Variants in PTPRN2 observed in about 807,000 individuals in gnomAD.
The protein encoded by PTPRN2 is receptor-type tyrosine-protein phosphatase N2.
A neutral mutation model predicts 118.8 loss-of-function variants in PTPRN2; 74 were observed. The ratio of observed to expected loss-of-function variants is 0.62; its 90% CI spans 0.52 to 0.76. The LOEUF (loss-of-function observed/expected upper bound fraction) is 0.76. PTPRN2 is among the 30% of genes least tolerant of loss of function. The probability of loss-of-function intolerance (pLI) is 0.00; values close to 1 mark genes in which losing one functional copy is unlikely to be tolerated. For synonymous variants in PTPRN2, 641 were observed against 608.0 expected (o/e 1.05, Z -0.80); for missense variants, 1,481 against 1,394.4 (o/e 1.06, Z -0.99).
chr7:158,338,573 C>T (rs1806132093), intron 2 of PTPRN2, among the ~76,000 whole-genome samples: 1 of 121,560 alleles, frequency 8.2e-6, no homozygotes, highest in Non-Finnish European at 1.7e-5. Context: ...GCAGACGTCA[C>T]TCACACCCAC....
chr7:158,351,597 G>A lies in PTPRN2; in HGVS notation c.164-34665C>T, dbSNP rs11979720. ...AACATGGTTACCTACGAGTGAAATG[G>A]CAGAAGGAATGACCTTATTAACGCC... is the stretch of plus-strand genomic sequence containing the variant. On this transcript the variant is annotated intron_variant, in intron 2 of 22. Transcript: ENST00000389418. Among the ~76,000 whole-genome samples, 986 of 152,266 alleles carry A rather than the reference G, an allele frequency of 6.5e-3. 13 individuals are homozygous for A. Among genetic ancestry groups the A allele is most frequent in the African/African-American group, 0.022 (929 of 41,540 alleles).
chr7:158,541,749 C>T, intron 1 of PTPRN2: 4 of 1,195,998 alleles, frequency 3.3e-6, no homozygotes, highest in Non-Finnish European at 4.2e-6. Context: ...GCTCAGAACC[C>T]AAAAGGGCTG....
At chr7:157,781,743 G>C (rs532363626) in intron 12 of PTPRN2, among the ~76,000 whole-genome samples, 1 of 152,292 alleles carries the variant, frequency 6.6e-6, no homozygotes, top group South Asian at 2.1e-4. Context: ...CAAGTCATCT[G>C]ACTTCACAGT....
At chr7:158,498,037 T>TCCAGG (rs1243034902) in intron 1 of PTPRN2, among the ~76,000 whole-genome samples, 1 of 152,230 alleles carries the variant, frequency 6.6e-6, no homozygotes, top group Non-Finnish European at 1.5e-5. Context: ...GCCTGGTCAG[T>TCCAGG]CCGCTCCATC....
chr7:158,580,610 C>G (rs1050000285), intron 1 of PTPRN2, among the ~76,000 whole-genome samples: 2 of 152,162 alleles, frequency 1.3e-5, no homozygotes, highest in Admixed American at 6.5e-5. Flanking sequence ...TGCCTGCTTG[C>G]CACTCTAAAC....
At chr7:158,376,505 C>T (rs140291690) in intron 2 of PTPRN2, among the ~76,000 whole-genome samples, 1,690 of 139,746 alleles carry the variant, frequency 0.012, 15 homozygotes, top group Non-Finnish European at 0.019. Flanking sequence ...CCCCTACAGC[C>T]CTGTCACACG....
rs1389602981 is a variant in PTPRN2, at chr7:158,546,671, C to T, written c.112+40887G>A. Among the ~76,000 whole-genome samples, 1 of 152,200 alleles carries T rather than the reference C, an allele frequency of 6.6e-6. No homozygotes were observed. The highest frequency in any genetic ancestry group is 1.5e-5 in the Non-Finnish European group (1 of 68,038). ...TAGCAGGTGGGTGACTACAGAGGTGCTCTGAGGGTCTTAGGCAGAGCTGGC... is the reference window on the plus strand; with the variant it reads ...TAGCAGGTGGGTGACTACAGAGGTGTTCTGAGGGTCTTAGGCAGAGCTGGC... On this transcript the variant is annotated intron_variant, in intron 1 of 22. Coordinates refer to ENST00000389418, the MANE Select transcript of PTPRN2 (RefSeq NM_002847.5). The surrounding 1 kb of genome is among the most constrained non-coding windows in gnomAD (Gnocchi z 5.0).
Position 157,615,442 on chromosome 7 carries a change from G to T in PTPRN2, c.2344+5920C>A. On this transcript the variant is annotated intron_variant, in intron 15 of 22. Transcript: ENST00000389418. This position sits in a 1 kb window ranked among gnomAD's most constrained non-coding sequence, Gnocchi z 4.3. ...GGGCTGTTTCGAGGATGAAAAGGAG[G>T]TGTTTAGCCCCGAGCCTCACGTGGA... 2.1e-6 allele frequency: 1 copy of T among 471,178 alleles called. No homozygotes were observed. The highest frequency in any genetic ancestry group is 4.4e-6 in the Non-Finnish European group (1 of 227,054). 29.2% of individuals were successfully genotyped at this position (471,178 alleles called of 1,614,324 possible).
At chr7:158,176,764 G>A (rs769075656) in intron 5 of PTPRN2, among the ~76,000 whole-genome samples, 6 of 152,220 alleles carry the variant, frequency 3.9e-5, no homozygotes, top group East Asian at 1.9e-4. Context: ...CCAGAGCTCC[G>A]CTTCCCACCA....
rs1415283190 is a variant in PTPRN2 at position 157,785,707 on chromosome 7, TG to T, written c.1789-102771del. 2.6e-5 allele frequency among the ~76,000 whole-genome samples: 4 copies of T among 151,980 alleles called. No individual in the cohort carries two copies. Among genetic ancestry groups the T allele is most frequent in the African/African-American group, 9.7e-5 (4 of 41,372 alleles). On this transcript the variant is annotated intron_variant, in intron 12 of 22. Transcript: ENST00000389418. This position sits in a 1 kb window ranked among gnomAD's most constrained non-coding sequence, Gnocchi z 7.3. ...GGGGGAGCCTGCTCAGAGATGGGCATGGGGCCGGCCTGGGAAGCATGGCGGG... is the reference window on the plus strand; with the variant it reads ...GGGGGAGCCTGCTCAGAGATGGGCATGGGCCGGCCTGGGAAGCATGGCGGG...
At chr7:157,969,806 G>A (rs1038209788) in intron 11 of PTPRN2, among the ~76,000 whole-genome samples, 1 of 152,040 alleles carries the variant, frequency 6.6e-6, no homozygotes, top group African/African-American at 2.4e-5. Flanking sequence ...GAGAAAGGCT[G>A]GAGTCACAGA....
chr7:158,301,659 A>G (rs914765367), intron 3 of PTPRN2, among the ~76,000 whole-genome samples: 1 of 152,138 alleles, frequency 6.6e-6, no homozygotes, highest in African/African-American at 2.4e-5. Context: ...CTTAAGAACA[A>G]TCCCATTTGC....
At chr7:158,139,238 G>A (rs755258586) in intron 6 of PTPRN2, among the ~76,000 whole-genome samples, 5 of 152,166 alleles carry the variant, frequency 3.3e-5, no homozygotes, top group Admixed American at 6.5e-5. Context: ...CCATAACCGC[G>A]GAGAGATGTG....
intron 9 of PTPRN2, 152 bp downstream of exon 9, chr7:158,133,525 G>A (rs1457451839): frequency 1.8e-5 from 20 of 1,123,498 alleles, no homozygotes; most frequent in African/African-American, 1.3e-4. Flanking sequence ...TGCCCTCCGC[G>A]CCTGAGACTC....
chr7:158,337,801 A>T (rs1326447591), intron 2 of PTPRN2, among the ~76,000 whole-genome samples: 123 of 8,366 alleles, frequency 0.015, 5 homozygotes, highest in Middle Eastern at 0.17. Context: ...TCACCATAAG[A>T]GGTGACGCCC....
At chr7:158,254,252 C>T (rs370493761) in intron 3 of PTPRN2, among the ~76,000 whole-genome samples, 169 of 16,358 alleles carry the variant, frequency 0.01, 1 homozygote, top group Middle Eastern at 0.056. Flanking sequence ...AACTGGACAG[C>T]GGCACAGAGC....
intron 3 of PTPRN2, among the ~76,000 whole-genome samples, chr7:158,294,491 G>T (rs890993157): frequency 6.6e-6 from 1 of 152,150 alleles, no homozygotes; most frequent in African/African-American, 2.4e-5. Flanking sequence ...AATCACAGAC[G>T]TTCCATTTCT....
At chr7:158,167,728 C>T (rs951537390) in intron 5 of PTPRN2, among the ~76,000 whole-genome samples, 4 of 152,184 alleles carry the variant, frequency 2.6e-5, no homozygotes, top group African/African-American at 4.8e-5. Flanking sequence ...CTCTTCTGGA[C>T]GTTTGGTGTA....
intron 11 of PTPRN2, among the ~76,000 whole-genome samples, chr7:158,058,921 A>G (rs1377550127): frequency 2.8e-5 from 3 of 108,614 alleles, no homozygotes; most frequent in African/African-American, 4.6e-5. Context: ...CCACAGTGAG[A>G]CATCACTGCA....
Sources: gnomAD v4.1 joint callset for allele counts (sites outside exome capture counted in the v4.1 genomes callset) on GRCh38, gnomAD v4.1.1 for gene constraint, Gnocchi (gnomAD v3.1) non-coding constraint, MANE v1.5 for transcripts, NCBI Gene and HGNC (gene_info 2026-07-23, HGNC 2026-07-21) for gene names.